TUBGCP6: variants seen among roughly 807,000 people sequenced by gnomAD.
TUBGCP6 encodes tubulin gamma complex component 6.
TUBGCP6 carries 161 observed loss-of-function variants against 175.8 expected under a neutral mutation model. The observed-to-expected ratio is 0.92, with a 90% CI of 0.81 to 1.04. The LOEUF is 1.04. TUBGCP6 is among the 50% of genes least tolerant of loss of function. TUBGCP6 has a pLI of 0.00. For missense variants in TUBGCP6, 2,572 were observed against 2,433.0 expected (o/e 1.06, Z -1.20); for synonymous variants, 1,173 against 1,030.5 (o/e 1.14, Z -2.65).
chr22:50,222,976 A>G (rs2064552308), intron 13 of TUBGCP6: 2 of 181,474 alleles, frequency 1.1e-5, no homozygotes, highest in Non-Finnish European at 2.3e-5. Flanking sequence ...AACTAATGCA[A>G]AAAAGCACAT....
At chr22:50,238,611 C>T (rs1173422631) in intron 2 of TUBGCP6, among the ~76,000 whole-genome samples, 2 of 148,726 alleles carry the variant, frequency 1.3e-5, no homozygotes, top group Non-Finnish European at 3.0e-5. Flanking sequence ...AATATCCGCT[C>T]ACTGCAAACT....
rs2064900698 is a variant in TUBGCP6, at chr22:50,244,888, C to G, written c.-429G>C. On this transcript the variant is annotated 5_prime_UTR_variant, in exon 1 of 25. Coordinates refer to ENST00000248846, the MANE Select transcript of TUBGCP6 (RefSeq NM_020461.4). The stretch of plus-strand genomic sequence containing the variant: ...GTGCCACTCCGAGGGTCGTGGGCAG[C>G]GGAGAGTCTGGGGGCTCAGCCGGGT... 1 of 210,164 alleles carries G rather than the reference C, an allele frequency of 4.8e-6. No homozygotes were observed. Among genetic ancestry groups the G allele is most frequent in the East Asian group, 1.3e-4 (1 of 7,586 alleles). The allele number at this position is 210,164 out of a possible 1,614,324, so 13.0% of individuals were successfully genotyped here.
chr22:50,218,708 A>G lies in TUBGCP6; in HGVS notation c.4816T>C (p.Tyr1606His). ...CGGCCAGGGCTGCTGCTGACCTTGT[A>G]CCTGAGCTCCAGGCAGCTCAGCACA... is the stretch of plus-strand genomic sequence containing the variant. ...PDVLSCLELR[Y>H]KVDWPLNIVI... The change falls in exon 21 of 25, where the codon TAC becomes CAC. Residue 1606 changes from tyrosine to histidine, a missense_variant. Transcript: ENST00000248846. 1.2e-6 allele frequency: 2 copies of G among 1,613,698 alleles called. No individual in the cohort carries two copies. Among genetic ancestry groups the G allele is most frequent in the South Asian group, 1.1e-5 (1 of 91,062 alleles).
At chr22:50,238,464 CA>C (rs113224574) in intron 2 of TUBGCP6, among the ~76,000 whole-genome samples, 55 of 135,320 alleles carry the variant, frequency 4.1e-4, no homozygotes, top group African/African-American at 5.7e-4. Flanking sequence ...TAAATAAATA[CA>C]AAAAAAAAAC....
In TUBGCP6 at chr22:50,218,403, CTGGCGGAGGGCAGA is replaced by C. The variant is rs762453492; in HGVS notation, c.4955-15_4955-2del. On this transcript the variant is annotated splice_acceptor_variant and splice_polypyrimidine_tract_variant and intron_variant, in intron 22 of 24. Transcript: ENST00000248846. LOFTEE classifies it high-confidence loss of function. ...GAGCCGGCCATGTGGCTCAGCAGGG[CTGGCGGAGGGCAGA>C]AGGCAGAGGGCAGAGGTGAGCGCAG... 4.3e-6 allele frequency: 7 copies of C among 1,612,702 alleles called. No individual in the cohort carries two copies. In the Admixed American group the frequency reaches 5.0e-5, roughly 12 times the overall value.
At chr22:50,217,863 A>G (rs1306767698) in intron 24 of TUBGCP6, 36 bp from the exon 25 acceptor site, 2 of 1,611,040 alleles carry the variant, frequency 1.2e-6, no homozygotes, top group Non-Finnish European at 1.7e-6. Context: ...TTTTGCCCAC[A>G]GTGTGAGCCC....
rs763237156 is a variant in TUBGCP6 at position 50,221,734 on chromosome 22, C to T, written c.2625G>A (p.Gly875=). 6.6e-7 allele frequency: 1 copy of T among 1,516,390 alleles called. No homozygotes were observed. Among genetic ancestry groups the T allele is most frequent in the Non-Finnish European group, 8.8e-7 (1 of 1,133,572 alleles). The allele number at this position is 1,516,390 out of a possible 1,614,324, so 93.9% of individuals were successfully genotyped here. ...TPQPLKPLAV[G]AGGRGLQQAE... ...CCTGCTGCAGCCCCCTGCCACCAGC[C>T]CCCACTGCTAGAGGCTTAAGGGGCT... The change falls in exon 16 of 25, where the codon GGG becomes GGA. Residue 875 remains glycine, a synonymous_variant. Coordinates refer to ENST00000248846, the MANE Select transcript of TUBGCP6 (RefSeq NM_020461.4).
chr22:50,228,280 GCGCC>G (rs2064642410), intron 4 of TUBGCP6, among the ~76,000 whole-genome samples: 4 of 47,694 alleles, frequency 8.4e-5, no homozygotes, highest in Admixed American at 1.8e-4. Flanking sequence ...TGCCCCAGGG[GCGCC>G]CACCACCAAC....
rs1444224960 is a variant in TUBGCP6 at position 50,244,039 on chromosome 22, T to C, written c.421A>G (p.Arg141Gly). 2.5e-6 allele frequency: 4 copies of C among 1,614,060 alleles called. No individual in the cohort carries two copies. The highest frequency in any genetic ancestry group is 3.4e-6 in the Non-Finnish European group (4 of 1,180,034). Reference protein sequence around the residue: ...DYFLNNKHVGRNVPYSGYDCD... With the variant: ...DYFLNNKHVGGNVPYSGYDCD... The stretch of plus-strand genomic sequence containing the variant: ...TCATAGCCGCTGTACGGAACGTTTC[T>C]CCCCACATGCTTGTTGTTAAGGAAG... The change falls in exon 1 of 25, where the codon AGA (arginine) becomes GGA (glycine). Residue 141 changes from arginine to glycine, a missense_variant. Coordinates refer to ENST00000248846, the MANE Select transcript of TUBGCP6 (RefSeq NM_020461.4).
Position 50,226,825 on chromosome 22 carries a change from G to T in TUBGCP6, c.1509C>A (p.Ser503=), listed in dbSNP as rs771811679. ...TGTGCAGAGCCTCCTGGTAGAGGTAGGACAGCAGCTTCACGCCCTGCAGAC... is the reference window on the plus strand; with the variant it reads ...TGTGCAGAGCCTCCTGGTAGAGGTATGACAGCAGCTTCACGCCCTGCAGAC... ...AAFPTGVKLL[S]YLYQEALHNC... is the part of the protein sequence containing the mutation. Residue 503 remains serine, a synonymous_variant, in exon 7 of 25, where the codon TCC becomes TCA. Coordinates refer to ENST00000248846, the MANE Select transcript of TUBGCP6 (RefSeq NM_020461.4). 6.3e-7 allele frequency: 1 copy of T among 1,584,154 alleles called. No individual in the cohort carries two copies. Among genetic ancestry groups the T allele is most frequent in the South Asian group, 1.2e-5 (1 of 86,778 alleles).
chr22:50,219,166 C>T lies in TUBGCP6; in HGVS notation c.4528G>A (p.Glu1510Lys), dbSNP rs1286815729. 2 of 1,612,530 alleles carry T rather than the reference C, an allele frequency of 1.2e-6. No homozygotes were observed. Among genetic ancestry groups the T allele is most frequent in the Admixed American group, 3.3e-5 (2 of 60,020 alleles). Reference sequence around the variant, plus strand: ...TCATAGTGCGCCTCCAGGTGCAGCTCCACGAAGAAGTAGTCGACAGCGGCC... The same window carrying T: ...TCATAGTGCGCCTCCAGGTGCAGCTTCACGAAGAAGTAGTCGACAGCGGCC... ...NKAAVDYFFVELHLEAHYEAL... is the reference protein window; with the variant it reads ...NKAAVDYFFVKLHLEAHYEAL... The change falls in exon 20 of 25, where the codon GAG becomes AAG. Residue 1510 changes from glutamate to lysine, a missense_variant. Physicochemically the swap from Glu to Lys is moderately conservative, Grantham distance 56. Coordinates refer to ENST00000248846, the MANE Select transcript of TUBGCP6 (RefSeq NM_020461.4).
intron 1 of TUBGCP6, among the ~76,000 whole-genome samples, chr22:50,241,214 G>C (rs962235093): frequency 6.6e-6 from 1 of 152,200 alleles, no homozygotes; most frequent in African/African-American, 2.4e-5. Context: ...AGGAGCTGAA[G>C]GGGCAAGGTG....
chr22:50,225,653 A>ACCCTTCATCTCAACTC (rs2064596041), intron 10 of TUBGCP6, 141 bp downstream of exon 10: 1 of 1,048,946 alleles, frequency 9.5e-7, no homozygotes, highest in Non-Finnish European at 1.3e-6. Context: ...CTTGGCACCC[A>ACCCTTCATCTCAACTC]CCCAGGCCAC....
intron 2 of TUBGCP6, among the ~76,000 whole-genome samples, chr22:50,237,147 T>C (rs941252392): frequency 3.9e-5 from 6 of 152,196 alleles, no homozygotes; most frequent in African/African-American, 1.4e-4. Context: ...AACCCAGCCC[T>C]TGCAGCTCAG....
intron 2 of TUBGCP6, 107 bp from the exon 3 acceptor site, chr22:50,233,633 T>A: frequency 9.0e-7 from 1 of 1,106,350 alleles, no homozygotes; most frequent in Non-Finnish European, 1.3e-6. Context: ...TGGAAGTGAT[T>A]CAAAACAATA....
rs149247581 is a variant in TUBGCP6, at chr22:50,226,058, A to G, written c.1825T>C (p.Cys609Arg). The G allele has an allele frequency of 5.0e-5, 80 of 1,614,022 alleles. No individual in the cohort carries two copies. Among genetic ancestry groups the G allele is most frequent in the Non-Finnish European group, 5.8e-5 (69 of 1,180,046 alleles). Residue 609 changes from cysteine to arginine, a missense_variant, in exon 9 of 25, where the codon TGC becomes CGC. Cys to Arg is a radical substitution (Grantham distance 180). Coordinates refer to ENST00000248846, the MANE Select transcript of TUBGCP6 (RefSeq NM_020461.4). ...GKTINLLKLCCPRHYLCWSDV... is the reference protein window; with the variant it reads ...GKTINLLKLCRPRHYLCWSDV... ...CATGAGCCCCTCCTCACCCGGGGGC[A>G]GCAGAGCTTCAGCAGGTTAATGGTC...
intron 2 of TUBGCP6, among the ~76,000 whole-genome samples, chr22:50,238,422 T>A (rs1210839750): frequency 6.7e-6 from 1 of 150,034 alleles, no homozygotes; most frequent in African/African-American, 2.5e-5. Context: ...CACTCCAGCC[T>A]GGGCAACAGA....
At chr22:50,241,983 CAAAAAAAAAAAAA>C (rs55647714) in intron 1 of TUBGCP6, among the ~76,000 whole-genome samples, 56 of 92,774 alleles carry the variant, frequency 6.0e-4, no homozygotes, top group Non-Finnish European at 6.6e-4. Context: ...GACTCCATCT[CAAAAAAAAAAAAA>C]AAAAAAAAAA....
chr22:50,217,994 ACCCCGCGGGCCCCCAGGGGG>A lies in TUBGCP6; in HGVS notation c.5272_5291del (p.Pro1758CysfsTer66). Reference sequence around the variant, plus strand: ...TGAGTGCAAAGTTGGGGTGCTCTGCACCCCGCGGGCCCCCAGGGGGCCCCCAGGCCTGGGAGATGAGCTGG... The same window carrying A: ...TGAGTGCAAAGTTGGGGTGCTCTGCACCCCCAGGCCTGGGAGATGAGCTGG... On this transcript the variant is annotated frameshift_variant, in exon 24 of 25. Coordinates refer to ENST00000248846, the MANE Select transcript of TUBGCP6 (RefSeq NM_020461.4). LOFTEE classifies it high-confidence loss of function. 6.2e-7 allele frequency: 1 copy of A among 1,602,908 alleles called. No individual in the cohort carries two copies. The highest frequency in any genetic ancestry group is 8.5e-7 in the Non-Finnish European group (1 of 1,177,816).
Sources: gnomAD v4.1 joint callset for allele counts (sites outside exome capture counted in the v4.1 genomes callset) on GRCh38, gnomAD v4.1.1 for gene constraint, MANE v1.5 for transcripts, NCBI Gene and HGNC (gene_info 2026-07-23, HGNC 2026-07-21) for gene names.